The following TAF10 variants were observed in gnomAD, a reference collection of about 807,000 sequenced individuals.
The protein encoded by TAF10 is transcription initiation factor TFIID subunit 10.
In TAF10, 2 loss-of-function variants were observed where a neutral mutation model predicts 18.1. The ratio of observed to expected loss-of-function variants is 0.11; its 90% CI spans 0.05 to 0.35. The LOEUF (loss-of-function observed/expected upper bound fraction) is 0.35. TAF10 is among the 10% of genes least tolerant of loss of function. The pLI, the probability that TAF10 is intolerant of heterozygous loss-of-function variation, is 1.00. For synonymous variants in TAF10, 158 were observed against 134.6 expected, an observed-to-expected ratio of 1.17 and a Z score of -1.20; for missense variants, 293 against 306.9, an observed-to-expected ratio of 0.95 and a Z score of 0.34.
Position 6,609,567 on chromosome 11 carries a change from G to T in TAF10, c.*1355C>A. On this transcript the variant is annotated 3_prime_UTR_variant, in exon 5 of 5. Coordinates refer to ENST00000299424, the MANE Select transcript of TAF10 (RefSeq NM_006284.4). ...GCTAGGTGCCTGCCAGTCTCCACCTGCTCCTCATCCTACTCTCATCACACA... is the reference window on the plus strand; with the variant it reads ...GCTAGGTGCCTGCCAGTCTCCACCTTCTCCTCATCCTACTCTCATCACACA... The T allele has an allele frequency of 1.2e-6, 2 of 1,614,142 alleles. No individual in the cohort carries two copies. Among genetic ancestry groups the T allele is most frequent in the Non-Finnish European group, 1.7e-6 (2 of 1,180,014 alleles).
intron 2 of TAF10, 54 bp from the exon 3 acceptor site, chr11:6,611,506 T>C: frequency 1.2e-6 from 2 of 1,607,290 alleles, no homozygotes; most frequent in Non-Finnish European, 1.7e-6. Flanking sequence ...GTGAGGGAAA[T>C]GGATAGGCCT....
At position 6,612,155 on chromosome 11, in the gene TAF10, G is replaced by T; in HGVS notation, c.35C>A (p.Ala12Glu). ...SCSGSGADPE[A>E]APASAASAPG... ...GGCCGAGGCGGCGGAGGCCGGCGCCGCCTCGGGGTCCGCGCCGGAGCCGCT... is the reference window on the plus strand; with the variant it reads ...GGCCGAGGCGGCGGAGGCCGGCGCCTCCTCGGGGTCCGCGCCGGAGCCGCT... The change falls in exon 1 of 5, where the codon GCG becomes GAG. Residue 12 changes from alanine to glutamate, a missense_variant. Coordinates refer to ENST00000299424, the MANE Select transcript of TAF10 (RefSeq NM_006284.4). The T allele has an allele frequency of 1.7e-6, 2 of 1,189,148 alleles. No individual in the cohort carries two copies. The highest frequency in any genetic ancestry group is 1.0e-6 in the Non-Finnish European group (1 of 961,790). 73.7% of individuals were successfully genotyped at this position (1,189,148 alleles called of 1,614,324 possible). A position where few individuals can be genotyped will look rare whatever the true frequency, so the allele number is the denominator to read the frequency against.
chr11:6,611,492 G>A, intron 2 of TAF10, 40 bp from the exon 3 acceptor site: 2 of 1,612,146 alleles, frequency 1.2e-6, no homozygotes, highest in African/African-American at 1.3e-5. Context: ...AGAGCGGGAG[G>A]AGGGTGAGGG....
chr11:6,611,526 G>T, intron 2 of TAF10, 74 bp from the exon 3 acceptor site: 1 of 1,600,838 alleles, frequency 6.2e-7, no homozygotes, highest in Non-Finnish European at 8.5e-7. Context: ...TGATTATCAG[G>T]AAGCTCACAG....
At position 6,608,760 on chromosome 11, in the gene TAF10, G is replaced by A. The variant is rs1564846152; in HGVS notation, c.*2162C>T. 1 of 1,614,092 alleles carries A rather than the reference G, an allele frequency of 6.2e-7. No homozygotes were observed. The highest frequency in any genetic ancestry group is 8.5e-7 in the Non-Finnish European group (1 of 1,179,960). ...GTATGGAGAGATGCCTGTGGACAAA[G>A]CCAAGGCACCCCTGAGAGAGCTTCT... On this transcript the variant is annotated 3_prime_UTR_variant, in exon 5 of 5. Coordinates refer to ENST00000299424, the MANE Select transcript of TAF10 (RefSeq NM_006284.4). The surrounding 1 kb of genome is among the most constrained non-coding windows in gnomAD (Gnocchi z 4.9).
Position 6,608,887 on chromosome 11 carries a change from G to A in TAF10, c.*2035C>T, listed in dbSNP as rs774837228. 5.6e-6 allele frequency: 9 copies of A among 1,614,066 alleles called. No individual in the cohort carries two copies. Among genetic ancestry groups the A allele is most frequent in the Admixed American group, 3.3e-5 (2 of 59,998 alleles). ...TTAGGTTGTTTTTCTTCCCTAGAGC[G>A]GGCAGAGAAGATGGGCCAGAATCTC... On this transcript the variant is annotated 3_prime_UTR_variant, in exon 5 of 5. Coordinates refer to ENST00000299424, the MANE Select transcript of TAF10 (RefSeq NM_006284.4). This position sits in a 1 kb window ranked among gnomAD's most constrained non-coding sequence, Gnocchi z 4.9.
Position 6,612,195 on chromosome 11 carries a change from C to G in TAF10, c.-6G>C. 8.1e-7 allele frequency: 1 copy of G among 1,236,900 alleles called. No homozygotes were observed. Among genetic ancestry groups the G allele is most frequent in the African/African-American group, 1.6e-5 (1 of 63,028 alleles). 76.6% of individuals were successfully genotyped at this position (1,236,900 alleles called of 1,614,324 possible). On this transcript the variant is annotated 5_prime_UTR_variant, in exon 1 of 5. Transcript: ENST00000299424. ...CCGGAGCCGCTGCAGCTCATCGGGC[C>G]GGTGGGAGAGGCGGCGAACAGAGCC...
Position 6,607,575 on chromosome 11 carries a change from TC to T in TAF10, c.*3346del, listed in dbSNP as rs1310247369. 5.5e-6 allele frequency: 1 copy of T among 182,204 alleles called. No homozygotes were observed. Among genetic ancestry groups the T allele is most frequent in the East Asian group, 1.4e-4 (1 of 6,898 alleles). 11.3% of individuals were successfully genotyped at this position (182,204 alleles called of 1,614,324 possible). A position where few individuals can be genotyped will look rare whatever the true frequency, so the allele number is the denominator to read the frequency against. The stretch of plus-strand genomic sequence containing the variant: ...GCCTGCCTTCTCCAAGACACCCTTC[TC>T]CCCCACTAACATGCACTGAACAGCT... On this transcript the variant is annotated 3_prime_UTR_variant, in exon 5 of 5. Transcript: ENST00000299424.
chr11:6,606,561 A>T lies in TAF10; in HGVS notation c.*4361T>A, dbSNP rs1475031235. 7.0e-6 allele frequency: 1 copy of T among 142,370 alleles called. No individual in the cohort carries two copies. 8.8% of individuals were successfully genotyped at this position (142,370 alleles called of 1,614,324 possible). A position where few individuals can be genotyped will look rare whatever the true frequency, so the allele number is the denominator to read the frequency against. ...TGCCCAGTGGGCCTAGCATCTAGGAAGACTCTAGCTGAGTCTAGGAAGACT... is the reference window on the plus strand; with the variant it reads ...TGCCCAGTGGGCCTAGCATCTAGGATGACTCTAGCTGAGTCTAGGAAGACT... On this transcript the variant is annotated 3_prime_UTR_variant, in exon 5 of 5. Transcript: ENST00000299424.
At position 6,609,151 on chromosome 11, in the gene TAF10, G is replaced by A. The variant is rs757473698; in HGVS notation, c.*1771C>T. 31 of 1,613,640 alleles carry A rather than the reference G, an allele frequency of 1.9e-5. No individual in the cohort carries two copies. The highest frequency in any genetic ancestry group is 2.5e-5 in the Non-Finnish European group (29 of 1,179,674). On this transcript the variant is annotated 3_prime_UTR_variant, in exon 5 of 5. Coordinates refer to ENST00000299424, the MANE Select transcript of TAF10 (RefSeq NM_006284.4). The stretch of plus-strand genomic sequence containing the variant: ...GACGAAGCTCAACGAGAATCACTCT[G>A]GAGAGGTGACCCCTGCCCTTCTTGC...
intron 2 of TAF10, 95 bp from the exon 3 acceptor site, chr11:6,611,547 C>T (rs1855460455): frequency 3.1e-6 from 5 of 1,596,780 alleles, no homozygotes; most frequent in Non-Finnish European, 3.4e-6. Context: ...TTTGGGTGAG[C>T]AGAGGGCAAA....
rs768217957 is a variant in TAF10, at chr11:6,608,084, G to A, written c.*2838C>T. On this transcript the variant is annotated 3_prime_UTR_variant, in exon 5 of 5. Coordinates refer to ENST00000299424, the MANE Select transcript of TAF10 (RefSeq NM_006284.4). This position sits in a 1 kb window ranked among gnomAD's most constrained non-coding sequence, Gnocchi z 4.9. ...TTCTCCCCCTTGCACTGGGCCTGCC[G>A]AGAGGGCCGCTCTGCTGTGGTTGAG... 32 of 1,614,042 alleles carry A rather than the reference G, an allele frequency of 2.0e-5. No homozygotes were observed. The highest frequency in any genetic ancestry group is 5.0e-5 in the Admixed American group (3 of 60,004).
rs1400309358 is a variant in TAF10, at chr11:6,608,363, C to T, written c.*2559G>A. 1.2e-6 allele frequency: 2 copies of T among 1,602,908 alleles called. No homozygotes were observed. The highest frequency in any genetic ancestry group is 1.7e-6 in the Non-Finnish European group (2 of 1,169,786). ...CATTTGGAACTGACTGTACTTTCTG[C>T]CTCTTCTTTTTGTCTGGCCATGGGG... On this transcript the variant is annotated 3_prime_UTR_variant, in exon 5 of 5. Coordinates refer to ENST00000299424, the MANE Select transcript of TAF10 (RefSeq NM_006284.4). The surrounding 1 kb of genome is among the most constrained non-coding windows in gnomAD (Gnocchi z 4.9).
In TAF10 at chr11:6,609,704, TGAC is replaced by T. The variant is rs1170919203; in HGVS notation, c.*1215_*1217del. On this transcript the variant is annotated 3_prime_UTR_variant, in exon 5 of 5. Transcript: ENST00000299424. ...AGAGAGGGAGCCTCTCTGAACTATTTGACTTTTGCCTCCTCTCAGATTTCGTCG... is the reference window on the plus strand; with the variant it reads ...AGAGAGGGAGCCTCTCTGAACTATTTTTTTGCCTCCTCTCAGATTTCGTCG... The T allele has an allele frequency of 6.2e-6, 10 of 1,614,090 alleles. No homozygotes were observed. The highest frequency in any genetic ancestry group is 8.5e-6 in the Non-Finnish European group (10 of 1,180,044).
At position 6,611,471 on chromosome 11, in the gene TAF10, G is replaced by T; in HGVS notation, c.388-19C>A. ...CTGGGATCTGAGAAATCAATTAAGA[G>T]AACTGTCAGCAGAGCGGGAGGAGGG... On this transcript the variant is annotated intron_variant, in intron 2 of 4. Coordinates refer to ENST00000299424, the MANE Select transcript of TAF10 (RefSeq NM_006284.4). The T allele has an allele frequency of 6.2e-7, 1 of 1,613,994 alleles. No individual in the cohort carries two copies. Among genetic ancestry groups the T allele is most frequent in the Non-Finnish European group, 8.5e-7 (1 of 1,179,942 alleles).
rs964412634 is a variant in TAF10, at chr11:6,611,575, G to A, written c.387+89C>T. 9 of 1,588,936 alleles carry A rather than the reference G, an allele frequency of 5.7e-6. No individual in the cohort carries two copies. In the Admixed American group the frequency reaches 1.6e-4, roughly 28 times the overall value. ...AGGGCAAACACAGAAGAGCGACTAG[G>A]GGAGCAAATGGAAGAGAACGCTGAA... On this transcript the variant is annotated intron_variant, in intron 2 of 4. Transcript: ENST00000299424.
chr11:6,611,039 G>A lies in TAF10; in HGVS notation c.568-28C>T, dbSNP rs769118754. ...GAGGGAAGAGGGAAGAGCACCAACT[G>A]AGCACAGGAATCCCGGACTTCAATC... is the stretch of plus-strand genomic sequence containing the variant. On this transcript the variant is annotated intron_variant, in intron 4 of 4. Coordinates refer to ENST00000299424, the MANE Select transcript of TAF10 (RefSeq NM_006284.4). 9 of 1,611,314 alleles carry A rather than the reference G, an allele frequency of 5.6e-6. No individual in the cohort carries two copies. The African/African-American group carries it at 1.1e-4, about 19-fold the overall frequency.
Position 6,610,743 on chromosome 11 carries a change from C to T in TAF10, c.*179G>A. 2.2e-6 allele frequency: 3 copies of T among 1,346,480 alleles called. No homozygotes were observed. Among genetic ancestry groups the T allele is most frequent in the South Asian group, 1.2e-5 (1 of 82,490 alleles). The allele number at this position is 1,346,480 out of a possible 1,614,324, so 83.4% of individuals were successfully genotyped here. A position where few individuals can be genotyped will look rare whatever the true frequency, so the allele number is the denominator to read the frequency against. ...GTACTACCCCAGCCATGGGGTCCAT[C>T]CCCTTCCCCCATCCCTACCACTGTG... On this transcript the variant is annotated 3_prime_UTR_variant, in exon 5 of 5. Transcript: ENST00000299424.
Position 6,611,262 on chromosome 11 carries a change from T to C in TAF10, c.494A>G (p.Asp165Gly), listed in dbSNP as rs1327460493. The change falls in exon 4 of 5, where the codon GAT becomes GGT. Residue 165 changes from aspartate (D) to glycine (G), a missense_variant. By Grantham distance (94) the Asp-to-Gly change is moderately conservative. Coordinates refer to ENST00000299424, the MANE Select transcript of TAF10 (RefSeq NM_006284.4). ...GTGCTGTAGGGCATCATTGGCAATATCTGAGATGAATTTCTGGGCAGCTAA... is the reference window on the plus strand; with the variant it reads ...GTGCTGTAGGGCATCATTGGCAATACCTGAGATGAATTTCTGGGCAGCTAA... ...ISLAAQKFIS[D>G]IANDALQHCK... The C allele has an allele frequency of 6.2e-7, 1 of 1,613,976 alleles. No homozygotes were observed. Among genetic ancestry groups the C allele is most frequent in the African/African-American group, 1.3e-5 (1 of 74,904 alleles).
Sources: allele counts gnomAD v4.1 joint callset, GRCh38; gene constraint gnomAD v4.1.1; non-coding constraint Gnocchi (gnomAD v3.1); transcripts MANE v1.5; gene names NCBI Gene and HGNC (gene_info 2026-07-23, HGNC 2026-07-21).